Variants in CD160 observed in about 807,000 individuals in gnomAD.
The protein encoded by CD160 is CD160 antigen.
CD160 carries 11 observed loss-of-function variants against 19.2 expected under a neutral mutation model. The observed-to-expected ratio is 0.57, with a 90% confidence interval of 0.36 to 0.95. The LOEUF (loss-of-function observed/expected upper bound fraction) is 0.95, where lower values mean the gene tolerates loss of function less well. CD160 is among the 40% of genes least tolerant of loss of function. CD160 has a pLI of 0.01. For synonymous variants in CD160, 75 were observed against 81.1 expected (o/e 0.93, Z 0.40); for missense variants, 182 against 213.2 (o/e 0.85, Z 0.91).
rs1258201834 is a variant in CD160 at position 145,725,146 on chromosome 1, G to A, written c.-73+240G>A. Among the ~76,000 whole-genome samples the A allele has an allele frequency of 7.2e-5, 11 of 151,986 alleles. 1 individual carries two copies. In the East Asian group the frequency reaches 9.7e-4, roughly 13 times the overall value. ...AAAAGAATAACATACTAGGCCGGGC[G>A]TGGTGGTTCACGCCTGTAATCCCAG... is the stretch of plus-strand genomic sequence containing the variant. On this transcript the variant is annotated intron_variant, in intron 2 of 5. Transcript: ENST00000369288.
Position 145,728,378 on chromosome 1 carries a change from A to C in CD160, c.51A>C (p.Ala17=). 6.2e-7 allele frequency: 1 copy of C among 1,612,848 alleles called. No individual in the cohort carries two copies. Among genetic ancestry groups the C allele is most frequent in the Non-Finnish European group, 8.5e-7 (1 of 1,179,118 alleles). ...RGCCALAILL[A]IVDIQSGGCI... ...GCTGTGCCCTGGCCATCCTGCTGGC[A>C]ATTGTGGACATCCAGTCTGGTGGTG... The change falls in exon 3 of 6, where the codon GCA becomes GCC. Residue 17 remains alanine, a synonymous_variant. Coordinates refer to ENST00000369288, the MANE Select transcript of CD160 (RefSeq NM_007053.4).
intron 5 of CD160, chr1:145,737,255 GAAAA>G (rs879979156): frequency 2.3e-5 from 2 of 85,776 alleles, no homozygotes; most frequent in Non-Finnish European, 2.5e-5. Flanking sequence ...TTTCTCAAAG[GAAAA>G]AAAAAAAAAA....
At chr1:145,736,565 C>G (rs587737860) in intron 5 of CD160, 61 of 215,156 alleles carry the variant, frequency 2.8e-4, no homozygotes, top group African/African-American at 1.4e-3. Flanking sequence ...ATATTAAACA[C>G]ATGTAGCTGA....
In CD160 at chr1:145,722,650, A is replaced by G. The variant is rs587695395; in HGVS notation, c.-178-2151A>G. 1.1e-4 allele frequency among the ~76,000 whole-genome samples: 16 copies of G among 152,270 alleles called. No homozygotes were observed. The East Asian group carries it at 2.7e-3, about 26-fold the overall frequency. ...TCTGTCGCCCAGGCTGGAGTGCAGT[A>G]GCGCGATCTCAGCTCACTGCAAGCT... On this transcript the variant is annotated intron_variant, in intron 1 of 5. Coordinates refer to ENST00000369288, the MANE Select transcript of CD160 (RefSeq NM_007053.4).
Position 145,728,389 on chromosome 1 carries a change from T to A in CD160, c.62T>A (p.Ile21Asn). The A allele has an allele frequency of 6.2e-7, 1 of 1,611,404 alleles. No homozygotes were observed. The highest frequency in any genetic ancestry group is 8.5e-7 in the Non-Finnish European group (1 of 1,177,958). Residue 21 changes from isoleucine (I) to asparagine (N), a missense_variant, in exon 3 of 6, where the codon ATC becomes AAC. Physicochemically the swap from Ile to Asn is moderately radical, Grantham distance 149 (BLOSUM62 -3). Coordinates refer to ENST00000369288, the MANE Select transcript of CD160 (RefSeq NM_007053.4). ...ALAILLAIVD[I>N]QSGGCINITS... ...GCCATCCTGCTGGCAATTGTGGACA[T>A]CCAGTCTGGTGGTGAGGATAGACCC...
intron 4 of CD160, 67 bp from the exon 5 acceptor site, chr1:145,735,930 T>C: frequency 9.3e-7 from 1 of 1,079,940 alleles, no homozygotes; most frequent in Non-Finnish European, 1.4e-6. Context: ...TGTTATGAGA[T>C]GATGCAAAAG....
chr1:145,732,623 C>T (rs782311005), intron 4 of CD160, among the ~76,000 whole-genome samples: 28 of 151,952 alleles, frequency 1.8e-4, no homozygotes, highest in African/African-American at 6.0e-4. Context: ...AAAATGGAAT[C>T]GACATATCAT....
Position 145,736,135 on chromosome 1 carries a change from GT to G in CD160, c.538+2del, listed in dbSNP as rs1553710110. 1 of 1,614,122 alleles carries G rather than the reference GT, an allele frequency of 6.2e-7. No homozygotes were observed. Among genetic ancestry groups the G allele is most frequent in the Admixed American group, 1.7e-5 (1 of 60,016 alleles). The stretch of plus-strand genomic sequence containing the variant: ...GTCACCAGCCTTGTGGCCCTTCAAG[GT>G]ATGTCCAAAAGAGCCGTAAGCACCC... On this transcript the variant is annotated splice_donor_variant, in intron 5 of 5. Transcript: ENST00000369288. LOFTEE classifies it high-confidence loss of function.
At chr1:145,738,153 C>G (rs1192787490) in intron 5 of CD160, 1 of 186,926 alleles carries the variant, frequency 5.3e-6, no homozygotes, top group Non-Finnish European at 1.1e-5. Context: ...CCTTGTCTTA[C>G]CACTGTGCCA....
At chr1:145,733,002 T>C (rs1344199360) in intron 4 of CD160, among the ~76,000 whole-genome samples, 1 of 152,158 alleles carries the variant, frequency 6.6e-6, no homozygotes, top group Non-Finnish European at 1.5e-5. Flanking sequence ...TAATAAGACA[T>C]CTCGAAGAGT....
chr1:145,731,522 T>A (rs1220698572), intron 4 of CD160, among the ~76,000 whole-genome samples: 5 of 152,102 alleles, frequency 3.3e-5, no homozygotes, highest in Non-Finnish European at 7.4e-5. Flanking sequence ...AATACAAAAT[T>A]AGCCGGGTGT....
At chr1:145,735,005 G>A (rs1327063215) in intron 4 of CD160, among the ~76,000 whole-genome samples, 2 of 152,118 alleles carry the variant, frequency 1.3e-5, no homozygotes, top group African/African-American at 4.8e-5. Context: ...TACTTGGGAG[G>A]CTGAGGCAGG....
intron 2 of CD160, among the ~76,000 whole-genome samples, chr1:145,727,388 T>A (rs1217381064): frequency 1.3e-5 from 2 of 152,122 alleles, no homozygotes; most frequent in African/African-American, 4.8e-5. Context: ...TTTTCTTCAG[T>A]TTGTTTATTT....
At chr1:145,734,722 TTAAGTA>T (rs1311822219) in intron 4 of CD160, among the ~76,000 whole-genome samples, 1 of 152,182 alleles carries the variant, frequency 6.6e-6, no homozygotes, top group Non-Finnish European at 1.5e-5. Context: ...CTCAGCATAT[TTAAGTA>T]TTAGAGTCAG....
chr1:145,728,204 TG>T, intron 2 of CD160, 51 bp from the exon 3 acceptor site: 1 of 673,950 alleles, frequency 1.5e-6, no homozygotes, highest in Non-Finnish European at 2.7e-6. Flanking sequence ...GATGGGGAAA[TG>T]GTCTTGGAAC....
At chr1:145,726,583 G>A (rs587649746) in intron 2 of CD160, among the ~76,000 whole-genome samples, 6 of 152,260 alleles carry the variant, frequency 3.9e-5, no homozygotes, top group South Asian at 4.1e-4. Context: ...GACGTTCCAC[G>A]GGTGGGGGCC....
chr1:145,730,037 G>C (rs1218441346), intron 3 of CD160, among the ~76,000 whole-genome samples: 1 of 152,132 alleles, frequency 6.6e-6, no homozygotes, highest in Non-Finnish European at 1.5e-5. Flanking sequence ...TAAACTCTGA[G>C]AGTGGCCAGG....
In CD160 at chr1:145,730,815, A is replaced by G. The variant is rs1553709040; in HGVS notation, c.145A>G (p.Lys49Glu). The change falls in exon 4 of 6, where the codon AAG becomes GAG. Residue 49 changes from lysine (K) to glutamate (E), a missense_variant. Coordinates refer to ENST00000369288, the MANE Select transcript of CD160 (RefSeq NM_007053.4). Reference sequence around the variant, plus strand: ...AAACTTAATCTGTACTGTATGGCATAAGAAAGAAGAGGCTGAGGGGTTTGT... The same window carrying G: ...AAACTTAATCTGTACTGTATGGCATGAGAAAGAAGAGGCTGAGGGGTTTGT... ...RLNLICTVWH[K>E]KEEAEGFVVF... 6.2e-7 allele frequency: 1 copy of G among 1,614,144 alleles called. No homozygotes were observed. Among genetic ancestry groups the G allele is most frequent in the Non-Finnish European group, 8.5e-7 (1 of 1,180,008 alleles).
chr1:145,729,455 C>G (rs924484355), intron 3 of CD160, among the ~76,000 whole-genome samples: 1 of 152,062 alleles, frequency 6.6e-6, no homozygotes, highest in South Asian at 2.1e-4. Flanking sequence ...TGGGGTTTTG[C>G]GAGGATCCAT....
Sources: allele counts gnomAD v4.1 joint callset (sites outside exome capture counted in the v4.1 genomes callset), GRCh38; gene constraint gnomAD v4.1.1; transcripts MANE v1.5; gene names NCBI Gene and HGNC (gene_info 2026-07-23, HGNC 2026-07-21).